Variants in FNDC3B observed in about 807,000 individuals in gnomAD.
FNDC3B encodes the protein fibronectin type III domain containing 3B, also known as fibronectin type III domain-containing protein 3B.
FNDC3B carries 12 observed loss-of-function variants against 151.5 expected under a neutral mutation model. The ratio of observed to expected loss-of-function variants is 0.08; its 90% CI spans 0.05 to 0.13. FNDC3B has a LOEUF of 0.13. Among genes scored for constraint, FNDC3B ranks in the 10% least tolerant of loss-of-function variants. The probability of loss-of-function intolerance (pLI) is 1.00; values close to 1 mark genes in which losing one functional copy is unlikely to be tolerated. For synonymous variants in FNDC3B, 528 were observed against 549.0 expected, an observed-to-expected ratio of 0.96 and a Z score of 0.54; for missense variants, 1,214 against 1,505.3, an observed-to-expected ratio of 0.81 and a Z score of 3.20.
At chr3:172,315,341 C>T (rs771782129) in intron 11 of FNDC3B, among the ~76,000 whole-genome samples, 10 of 152,158 alleles carry the variant, frequency 6.6e-5, no homozygotes, top group Admixed American at 1.3e-4. Context: ...TGCACCACTG[C>T]GCTCCAGCCT....
chr3:172,203,104 G>A (rs1456029541), intron 3 of FNDC3B, among the ~76,000 whole-genome samples: 1 of 152,034 alleles, frequency 6.6e-6, no homozygotes, highest in East Asian at 1.9e-4. Context: ...CATTATTTTC[G>A]ATATATATAG....
chr3:172,259,401 C>A (rs1266797139), intron 6 of FNDC3B, among the ~76,000 whole-genome samples: 2 of 152,146 alleles, frequency 1.3e-5, no homozygotes, highest in Non-Finnish European at 2.9e-5. Context: ...CTCTGAGTGA[C>A]TCTAGTTAGG....
chr3:172,164,753 GTTTGTTT>G (rs1338699539), intron 3 of FNDC3B, among the ~76,000 whole-genome samples: 1 of 152,146 alleles, frequency 6.6e-6, no homozygotes, highest in African/African-American at 2.4e-5. Context: ...TTGTTTGGTT[GTTTGTTT>G]TTTAACTTAA....
At chr3:172,110,400 G>A (rs1384465732) in intron 1 of FNDC3B, among the ~76,000 whole-genome samples, 2 of 152,004 alleles carry the variant, frequency 1.3e-5, no homozygotes, top group Non-Finnish European at 2.9e-5. Flanking sequence ...GACAGCTTCA[G>A]CCCAAAGCAG....
At chr3:172,137,409 C>A (rs2108579765) in intron 3 of FNDC3B, among the ~76,000 whole-genome samples, 1 of 152,270 alleles carries the variant, frequency 6.6e-6, no homozygotes, top group African/African-American at 2.4e-5. Flanking sequence ...ATAATCCCAG[C>A]ACTTTGGGAG....
At chr3:172,123,061 T>C in intron 2 of FNDC3B, among the ~76,000 whole-genome samples, 1 of 152,198 alleles carries the variant, frequency 6.6e-6, no homozygotes, top group South Asian at 2.1e-4. Flanking sequence ...TGTTTTGTTT[T>C]TGAGACTCAC....
chr3:172,199,795 C>T (rs1021420553), intron 3 of FNDC3B, among the ~76,000 whole-genome samples: 11 of 152,214 alleles, frequency 7.2e-5, no homozygotes, highest in Middle Eastern at 6.8e-3. Flanking sequence ...CAATTATTTA[C>T]CCAGTGAGTG....
intron 3 of FNDC3B, among the ~76,000 whole-genome samples, chr3:172,179,284 A>G: frequency 6.6e-6 from 1 of 151,962 alleles, no homozygotes; most frequent in African/African-American, 2.4e-5. Context: ...CTGGTCTCGA[A>G]CTCCTGACCT....
intron 1 of FNDC3B, among the ~76,000 whole-genome samples, chr3:172,062,853 A>G (rs1031243074): frequency 3.7e-4 from 57 of 152,300 alleles, no homozygotes; most frequent in African/African-American, 1.3e-3. Flanking sequence ...TCTTAAGTGA[A>G]TAACTTAGGT....
chr3:172,345,645 C>T lies in FNDC3B; in HGVS notation c.2251-682C>T, dbSNP rs557983172. 3.3e-5 allele frequency among the ~76,000 whole-genome samples: 5 copies of T among 152,190 alleles called. No homozygotes were observed. In the East Asian group the frequency reaches 9.7e-4, roughly 29 times the overall value. On this transcript the variant is annotated intron_variant, in intron 19 of 25. Transcript: ENST00000415807. ...AAGGACAGTCATATATTTTGTTAGC[C>T]TGGCAAGTTTTTACTCTGCTCCAAA...
chr3:172,141,144 TTC>T (rs201440072), intron 3 of FNDC3B, among the ~76,000 whole-genome samples: 82 of 117,022 alleles, frequency 7.0e-4, no homozygotes, highest in Admixed American at 1.1e-3. Context: ...TTACTGATTT[TTC>T]CCCCCCCTAA....
chr3:172,108,639 A>G (rs763445511), intron 1 of FNDC3B, among the ~76,000 whole-genome samples: 8 of 152,220 alleles, frequency 5.3e-5, no homozygotes, highest in Non-Finnish European at 1.0e-4. Context: ...AAGCCTTCCC[A>G]GGCCTCCTGG....
At chr3:172,058,335 T>A (rs775837018) in intron 1 of FNDC3B, among the ~76,000 whole-genome samples, 1 of 152,154 alleles carries the variant, frequency 6.6e-6, no homozygotes, top group Non-Finnish European at 1.5e-5. Context: ...AGGAAAAAAA[T>A]GTGAACCTGT....
intron 1 of FNDC3B, among the ~76,000 whole-genome samples, chr3:172,090,332 G>A (rs1001566449): frequency 3.3e-5 from 5 of 152,060 alleles, no homozygotes; most frequent in Non-Finnish European, 7.4e-5. Context: ...ACTGAGCGGG[G>A]GCAGTGAATC....
At chr3:172,170,071 C>A (rs562678679) in intron 3 of FNDC3B, among the ~76,000 whole-genome samples, 2 of 152,028 alleles carry the variant, frequency 1.3e-5, no homozygotes, top group South Asian at 4.2e-4. Flanking sequence ...GTTTAAATTT[C>A]GTTATCTATG....
intron 8 of FNDC3B, among the ~76,000 whole-genome samples, chr3:172,296,119 A>G (rs1730591129): frequency 6.6e-6 from 1 of 152,206 alleles, no homozygotes. Flanking sequence ...TTTTAGGGCC[A>G]CGTCTTTCTT....
intron 3 of FNDC3B, among the ~76,000 whole-genome samples, chr3:172,139,999 A>T (rs965550251): frequency 6.6e-6 from 1 of 152,146 alleles, no homozygotes; most frequent in African/African-American, 2.4e-5. Context: ...TTTGTGAGGG[A>T]TTGCTAACAA....
chr3:172,326,998 G>C (rs147949356), intron 11 of FNDC3B, among the ~76,000 whole-genome samples: 143 of 152,296 alleles, frequency 9.4e-4, no homozygotes, highest in African/African-American at 3.3e-3. Context: ...AGGAAAGAAG[G>C]TAGATCATGC....
chr3:172,087,353 G>C (rs1718597142), intron 1 of FNDC3B, among the ~76,000 whole-genome samples: 1 of 152,034 alleles, frequency 6.6e-6, no homozygotes, highest in East Asian at 1.9e-4. Context: ...TACTTGCCAG[G>C]TTTGGGACTT....
Sources: allele counts gnomAD v4.1 joint callset (sites outside exome capture counted in the v4.1 genomes callset), GRCh38; gene constraint gnomAD v4.1.1; transcripts MANE v1.5; gene names NCBI Gene and HGNC (gene_info 2026-07-23, HGNC 2026-07-21).